MYBL1: variants seen among roughly 807,000 people sequenced by gnomAD.
MYBL1 encodes MYB proto-oncogene like 1.
In MYBL1, 17 loss-of-function variants were observed where a neutral mutation model predicts 96.3. That is an observed-to-expected ratio of 0.18 (90% CI 0.12 to 0.26). The LOEUF is 0.26. MYBL1 is among the 10% of genes least tolerant of loss of function. MYBL1 has a pLI of 1.00. For synonymous variants in MYBL1, 282 were observed against 292.7 expected, an observed-to-expected ratio of 0.96 and a Z score of 0.37; for missense variants, 701 against 882.9, an observed-to-expected ratio of 0.79 and a Z score of 2.61.
Position 66,566,085 on chromosome 8 carries a change from G to T in MYBL1, c.2109C>A (p.Val703=). The T allele has an allele frequency of 1.3e-6, 2 of 1,529,412 alleles. No individual in the cohort carries two copies. Among genetic ancestry groups the T allele is most frequent in the South Asian group, 2.5e-5 (2 of 79,196 alleles). 94.7% of individuals were successfully genotyped at this position (1,529,412 alleles called of 1,614,324 possible). A position where few individuals can be genotyped will look rare whatever the true frequency, so the allele number is the denominator to read the frequency against. ...ATACCTGAAGATTCTTTTCCAATTT[G>T]ACAACTTTGGAAGTGTTAGGGTTTG... is the stretch of plus-strand genomic sequence containing the variant. The part of the protein sequence containing the change: ...KKPNPNTSKV[V]KLEKNLQSNC... Residue 703 remains valine, a synonymous_variant, in exon 15 of 16, where the codon GTC becomes GTA. Transcript: ENST00000522677.
chr8:66,607,702 A>ACC (rs1563555042), intron 1 of MYBL1, among the ~76,000 whole-genome samples: 227 of 151,352 alleles, frequency 1.5e-3, no homozygotes, highest in African/African-American at 5.1e-3. Flanking sequence ...CAAAACCCAA[A>ACC]AAAAAAAAAA....
rs200120132 is a variant in MYBL1 at position 66,579,245 on chromosome 8, TA to T, written c.1101+887del. 9.4e-3 allele frequency among the ~76,000 whole-genome samples: 1,425 copies of T among 151,320 alleles called. 17 individuals are homozygous for T. Among genetic ancestry groups the T allele is most frequent in the Middle Eastern group, 0.027 (8 of 292 alleles). ...TAAAGTATAATAATAATAAAAAAAT[TA>T]AAAAAAAATTTTTTTTAAAAAAATG... On this transcript the variant is annotated intron_variant, in intron 9 of 15. Coordinates refer to ENST00000522677, the MANE Select transcript of MYBL1 (RefSeq NM_001080416.4).
intron 10 of MYBL1, among the ~76,000 whole-genome samples, chr8:66,574,521 C>T (rs1208551925): frequency 6.6e-6 from 1 of 152,206 alleles, no homozygotes; most frequent in African/African-American, 2.4e-5. Context: ...CTGTGTTCTG[C>T]CAGATCCTGC....
chr8:66,597,270 A>C (rs1384811570), intron 5 of MYBL1, 60 bp downstream of exon 5: 2 of 1,189,650 alleles, frequency 1.7e-6, no homozygotes, highest in African/African-American at 3.1e-5. Context: ...TGTATTTAAC[A>C]GTAAGGTAAT....
At chr8:66,594,641 T>C (rs971088829) in intron 6 of MYBL1, among the ~76,000 whole-genome samples, 2 of 152,158 alleles carry the variant, frequency 1.3e-5, no homozygotes, top group Non-Finnish European at 2.9e-5. Context: ...ATCTAGACTC[T>C]AAAGAAAAAT....
chr8:66,564,659 A>C lies in MYBL1; in HGVS notation c.*38T>G. ...TGCAACCTAATTTAGTAGAGACTGC[A>C]GTAAGGGAGTGGGGCATTTCATCAA... On this transcript the variant is annotated 3_prime_UTR_variant, in exon 16 of 16. Transcript: ENST00000522677. 3 of 1,517,670 alleles carry C rather than the reference A, an allele frequency of 2.0e-6. No individual in the cohort carries two copies. The highest frequency in any genetic ancestry group is 1.4e-5 in the African/African-American group (1 of 72,500). The allele number at this position is 1,517,670 out of a possible 1,614,324, so 94.0% of individuals were successfully genotyped here.
intron 1 of MYBL1, among the ~76,000 whole-genome samples, 176 bp from the exon 2 acceptor site, chr8:66,602,699 CTATA>C (rs67236935): frequency 0.074 from 2,005 of 27,260 alleles, 134 homozygotes; most frequent in East Asian, 0.11. Flanking sequence ...TGGGGTGGAG[CTATA>C]TATATATATA....
At chr8:66,607,703 A>ACC (rs1326144500) in intron 1 of MYBL1, among the ~76,000 whole-genome samples, 2 of 151,892 alleles carry the variant, frequency 1.3e-5, no homozygotes, top group African/African-American at 4.8e-5. Context: ...AAAACCCAAA[A>ACC]AAAAAAAAAA....
In MYBL1 at chr8:66,586,041, TG is replaced by T. The variant is rs1369277388; in HGVS notation, c.868-5676del. ...ATCTGGTTTGGGTTTTGTTTTTTGG[TG>T]TTTTTTTTTTTTTTTTTTTTTGAGA... On this transcript the variant is annotated intron_variant, in intron 8 of 15. Transcript: ENST00000522677. Among the ~76,000 whole-genome samples, 3 of 142,282 alleles carry T rather than the reference TG, an allele frequency of 2.1e-5. No individual in the cohort carries two copies. In the East Asian group the frequency reaches 6.0e-4, roughly 28 times the overall value. The allele number at this position is 142,282 out of a possible 152,430, so 93.3% of individuals were successfully genotyped here.
Position 66,599,022 on chromosome 8 carries a change from G to A in MYBL1, c.291+28C>T, listed in dbSNP as rs528143792. On this transcript the variant is annotated intron_variant, in intron 4 of 15. Coordinates refer to ENST00000522677, the MANE Select transcript of MYBL1 (RefSeq NM_001080416.4). The stretch of plus-strand genomic sequence containing the variant: ...AGAAAAAAGCTAGTCTACCTACATA[G>A]TGAATATAAAGAATATGAACACATT... The A allele has an allele frequency of 1.1e-5, 16 of 1,415,888 alleles. No individual in the cohort carries two copies. In the African/African-American group the frequency reaches 1.9e-4, roughly 17 times the overall value. 87.7% of individuals were successfully genotyped at this position (1,415,888 alleles called of 1,614,324 possible). A position where few individuals can be genotyped will look rare whatever the true frequency, so the allele number is the denominator to read the frequency against.
rs528711504 is a variant in MYBL1 at position 66,578,186 on chromosome 8, T to C, written c.1102-1811A>G. ...TAGGCATGGACAAGGACTTCATGTC[T>C]AAAACACCAAAAGCAATGGCAACAA... On this transcript the variant is annotated intron_variant, in intron 9 of 15. Transcript: ENST00000522677. 1.3e-3 allele frequency among the ~76,000 whole-genome samples: 200 copies of C among 152,014 alleles called. 1 individual carries two copies. Among genetic ancestry groups the C allele is most frequent in the Middle Eastern group, 6.8e-3 (2 of 294 alleles).
At chr8:66,585,088 A>AAAAC (rs148029809) in intron 8 of MYBL1, among the ~76,000 whole-genome samples, 8 of 152,022 alleles carry the variant, frequency 5.3e-5, no homozygotes, top group Admixed American at 1.3e-4. Flanking sequence ...CCTGAGCAAA[A>AAAAC]AAACAAACAA....
chr8:66,583,499 C>T (rs1809296375), intron 8 of MYBL1, among the ~76,000 whole-genome samples: 1 of 151,056 alleles, frequency 6.6e-6, no homozygotes, highest in African/African-American at 2.4e-5. Flanking sequence ...AAAACTGAGA[C>T]AAACAAATAC....
intron 11 of MYBL1, 36 bp from the exon 12 acceptor site, chr8:66,572,632 G>A (rs1172594606): frequency 5.7e-6 from 6 of 1,056,592 alleles, no homozygotes; most frequent in East Asian, 2.5e-5. Context: ...TTATAGTCAC[G>A]ATCTGATTTC....
chr8:66,592,477 G>A lies in MYBL1; in HGVS notation c.830C>T (p.Ser277Leu). Reference sequence around the variant, plus strand: ...CTTTCTTCTAACTTCATTCTCAGCTGACATAAGAAGCATCTCAAGTTCCTT... The same window carrying A: ...CTTTCTTCTAACTTCATTCTCAGCTAACATAAGAAGCATCTCAAGTTCCTT... ...KIKELEMLLM[S>L]AENEVRRKRI... The change falls in exon 8 of 16, where the codon TCA becomes TTA. Residue 277 changes from serine (S) to leucine (L), a missense_variant. Physicochemically the swap from Ser to Leu is moderately radical, Grantham distance 145. Coordinates refer to ENST00000522677, the MANE Select transcript of MYBL1 (RefSeq NM_001080416.4). 1 of 1,602,356 alleles carries A rather than the reference G, an allele frequency of 6.2e-7. No individual in the cohort carries two copies. Among genetic ancestry groups the A allele is most frequent in the Non-Finnish European group, 8.5e-7 (1 of 1,177,766 alleles).
Position 66,565,986 on chromosome 8 carries a change from A to G in MYBL1, c.2130+78T>C, listed in dbSNP as rs191001080. On this transcript the variant is annotated intron_variant, in intron 15 of 15. Coordinates refer to ENST00000522677, the MANE Select transcript of MYBL1 (RefSeq NM_001080416.4). ...ATTTTGAATTTAAAAGAAAAAGTAT[A>G]ATTTGTGATCAGTAAATCCAAAGTG... 4.1e-6 allele frequency: 4 copies of G among 971,246 alleles called. No homozygotes were observed. In the East Asian group the frequency reaches 8.6e-5, roughly 21 times the overall value. 60.2% of individuals were successfully genotyped at this position (971,246 alleles called of 1,614,324 possible).
intron 12 of MYBL1, among the ~76,000 whole-genome samples, chr8:66,571,942 AAAGTT>A (rs1469124492): frequency 6.6e-6 from 1 of 152,116 alleles, no homozygotes; most frequent in Admixed American, 6.6e-5. Flanking sequence ...TAGATGCTAT[AAAGTT>A]AAGAATTCAA....
At chr8:66,597,098 T>A (rs1809881829) in intron 5 of MYBL1, among the ~76,000 whole-genome samples, 1 of 152,198 alleles carries the variant, frequency 6.6e-6, no homozygotes, top group South Asian at 2.1e-4. Context: ...ATCTAAAATC[T>A]ATCATTTTAT....
At chr8:66,579,254 A>AT (rs963858365) in intron 9 of MYBL1, among the ~76,000 whole-genome samples, 6 of 150,162 alleles carry the variant, frequency 4.0e-5, no homozygotes, top group African/African-American at 4.9e-5. Flanking sequence ...TTAAAAAAAA[A>AT]TTTTTTTTAA....
Sources: gnomAD v4.1 joint callset for allele counts (sites outside exome capture counted in the v4.1 genomes callset) on GRCh38, gnomAD v4.1.1 for gene constraint, MANE v1.5 for transcripts, NCBI Gene and HGNC (gene_info 2026-07-23, HGNC 2026-07-21) for gene names.